ANKRD11: variants seen among roughly 807,000 people sequenced by gnomAD.
ANKRD11 encodes the protein ankyrin repeat domain-containing protein 11.
Under a neutral mutation model 195.7 loss-of-function variants are expected in ANKRD11, and 17 were observed. The ratio of observed to expected loss-of-function variants is 0.09; its 90% CI spans 0.06 to 0.13. The LOEUF (loss-of-function observed/expected upper bound fraction) is 0.13. Ranked by LOEUF, ANKRD11 falls within the 10% of genes least tolerant of loss-of-function variation. The pLI, the probability that ANKRD11 is intolerant of heterozygous loss-of-function variation, is 1.00. For synonymous variants in ANKRD11, 1,953 were observed against 1,528.1 expected (o/e 1.28, Z -6.49); for missense variants, 3,735 against 3,566.1 (o/e 1.05, Z -1.21).
chr16:89,474,435 G>A (rs190746318), intron 1 of ANKRD11, among the ~76,000 whole-genome samples: 14 of 150,894 alleles, frequency 9.3e-5, no homozygotes, highest in Non-Finnish European at 1.5e-5. Context: ...TGGGCAACAT[G>A]GTGAGACCCT....
At chr16:89,301,850 G>C (rs1477972041) in intron 4 of ANKRD11, among the ~76,000 whole-genome samples, 3 of 152,212 alleles carry the variant, frequency 2.0e-5, no homozygotes, top group Non-Finnish European at 4.4e-5. Flanking sequence ...ACCGCGGGCA[G>C]GGCCGACTCA....
In ANKRD11 at chr16:89,379,567, C is replaced by T. The variant is rs143366144; in HGVS notation, c.-60+38717G>A. On this transcript the variant is annotated intron_variant, in intron 2 of 12. Transcript: ENST00000301030. Reference sequence around the variant, plus strand: ...AGTCACGGCTCACTGCAGCCTCAACCTCCTGGGCTCAAGTGACACTTCTGC... The same window carrying T: ...AGTCACGGCTCACTGCAGCCTCAACTTCCTGGGCTCAAGTGACACTTCTGC... Among the ~76,000 whole-genome samples the T allele has an allele frequency of 5.2e-3, 788 of 152,328 alleles. 3 individuals carry two copies. The highest frequency in any genetic ancestry group is 0.012 in the Admixed American group (177 of 15,304).
In ANKRD11 at chr16:89,283,416, G is replaced by C; in HGVS notation, c.3126C>G (p.Ile1042Met). The C allele has an allele frequency of 6.2e-7, 1 of 1,613,938 alleles. No homozygotes were observed. Among genetic ancestry groups the C allele is most frequent in the Non-Finnish European group, 8.5e-7 (1 of 1,180,008 alleles). Residue 1042 changes from isoleucine to methionine, a missense_variant, in exon 9 of 13, where the codon ATC becomes ATG. Coordinates refer to ENST00000301030, the MANE Select transcript of ANKRD11 (RefSeq NM_013275.6). The surrounding 1 kb of genome is among the most constrained non-coding windows in gnomAD (Gnocchi z 4.3). The stretch of plus-strand genomic sequence containing the variant: ...CTTTGTCCTTCTGACATTTTTCCAG[G>C]ATTGATTTCTCACTTTTGTCCTTGT... Reference protein sequence around the residue: ...SSDKDKSEKSILEKCQKDKEF... With the variant: ...SSDKDKSEKSMLEKCQKDKEF...
intron 2 of ANKRD11, among the ~76,000 whole-genome samples, chr16:89,405,120 T>C (rs1363255224): frequency 3.3e-5 from 5 of 152,004 alleles, no homozygotes; most frequent in African/African-American, 1.2e-4. Context: ...GGTGTCACGG[T>C]GGAGGCGAGG....
intron 2 of ANKRD11, among the ~76,000 whole-genome samples, chr16:89,352,188 C>A (rs754765347): frequency 6.6e-6 from 1 of 152,170 alleles, no homozygotes; most frequent in African/African-American, 2.4e-5. Context: ...TTGCACCTGG[C>A]CGATTATCTT....
chr16:89,337,251 A>G (rs534871664), intron 2 of ANKRD11, among the ~76,000 whole-genome samples: 4 of 151,924 alleles, frequency 2.6e-5, no homozygotes, highest in African/African-American at 9.6e-5. Flanking sequence ...AGGAAGCCCC[A>G]TGCCCAAATG....
At chr16:89,303,165 T>C (rs2151860499) in intron 4 of ANKRD11, among the ~76,000 whole-genome samples, 1 of 152,324 alleles carries the variant, frequency 6.6e-6, no homozygotes, top group East Asian at 1.9e-4. Flanking sequence ...AAGCAGATGC[T>C]TGTCTCATTA....
intron 2 of ANKRD11, among the ~76,000 whole-genome samples, chr16:89,384,047 C>CT (rs2040783694): frequency 6.6e-6 from 1 of 152,182 alleles, no homozygotes; most frequent in Non-Finnish European, 1.5e-5. Context: ...TGGCAAAACC[C>CT]TGTCTCTATT....
chr16:89,302,252 C>T (rs758754162), intron 4 of ANKRD11, among the ~76,000 whole-genome samples: 9 of 152,120 alleles, frequency 5.9e-5, no homozygotes, highest in Non-Finnish European at 1.3e-4. Context: ...GAGTTGGACT[C>T]GCTACTATTT....
At chr16:89,349,134 T>TAAAAAAAAA (rs59621400) in intron 2 of ANKRD11, among the ~76,000 whole-genome samples, 1,066 of 16,478 alleles carry the variant, frequency 0.065, 161 homozygotes, top group Non-Finnish European at 0.071. Flanking sequence ...TCTCAAAAAG[T>TAAAAAAAAA]AAAAAAAAAA....
chr16:89,306,335 C>G (rs1197004846), intron 3 of ANKRD11, among the ~76,000 whole-genome samples: 1 of 87,754 alleles, frequency 1.1e-5, no homozygotes, highest in Admixed American at 1.1e-4. Context: ...CCTCCCACTC[C>G]GCAGACACGC....
chr16:89,301,745 TG>T (rs1402172783), intron 4 of ANKRD11: 1 of 397,882 alleles, frequency 2.5e-6, no homozygotes, highest in African/African-American at 2.1e-5. Context: ...TGCTTTAAAC[TG>T]GGCTGATTCA....
chr16:89,393,443 T>TCC (rs2041287932), intron 2 of ANKRD11, among the ~76,000 whole-genome samples: 1 of 149,714 alleles, frequency 6.7e-6, no homozygotes, highest in African/African-American at 2.5e-5. Flanking sequence ...CCCACCTCAG[T>TCC]CCCCCATGTA....
chr16:89,354,344 T>C (rs1233278136), intron 2 of ANKRD11, among the ~76,000 whole-genome samples: 19 of 151,746 alleles, frequency 1.3e-4, no homozygotes, highest in Admixed American at 1.1e-3. Context: ...TTTTTTGAAG[T>C]CTCAAAAATG....
In ANKRD11 at chr16:89,291,825, G is replaced by C. The variant is rs780814611; in HGVS notation, c.227-642C>G. The C allele has an allele frequency of 8.0e-7, 1 of 1,245,534 alleles. No homozygotes were observed. Among genetic ancestry groups the C allele is most frequent in the African/African-American group, 1.5e-5 (1 of 64,914 alleles). The allele number at this position is 1,245,534 out of a possible 1,614,324, so 77.2% of individuals were successfully genotyped here. On this transcript the variant is annotated intron_variant, in intron 4 of 12. Transcript: ENST00000301030. This position sits in a 1 kb window ranked among gnomAD's most constrained non-coding sequence, Gnocchi z 5.3. ...CTAACAAGACACGGTGTGAGAGCTCGGCTGTTTCCACCTCAGCCTCCTCGT... is the reference window on the plus strand; with the variant it reads ...CTAACAAGACACGGTGTGAGAGCTCCGCTGTTTCCACCTCAGCCTCCTCGT...
intron 2 of ANKRD11, among the ~76,000 whole-genome samples, chr16:89,358,888 C>T (rs1037120705): frequency 5.3e-5 from 8 of 152,016 alleles, no homozygotes; most frequent in Non-Finnish European, 1.0e-4. Flanking sequence ...CGCAGTGGTG[C>T]GATCATGGCT....
At chr16:89,278,120 C>T (rs77150903) in intron 9 of ANKRD11, 7,476 of 243,752 alleles carry the variant, frequency 0.031, 507 homozygotes, top group East Asian at 0.23. Flanking sequence ...TGAGTGGAGT[C>T]GCGTGGTCTG....
At chr16:89,277,892 G>C (rs535950858) in intron 9 of ANKRD11, 1 of 156,700 alleles carries the variant, frequency 6.4e-6, no homozygotes, top group African/African-American at 2.4e-5. Context: ...AGCTGAGCCA[G>C]GTCAGGGCCA....
At chr16:89,386,449 G>A (rs980829855) in intron 2 of ANKRD11, among the ~76,000 whole-genome samples, 1 of 152,184 alleles carries the variant, frequency 6.6e-6, no homozygotes, top group East Asian at 1.9e-4. Flanking sequence ...TCCCTAGCAA[G>A]AGGCCCTCTT....
Sources: allele counts gnomAD v4.1 joint callset (sites outside exome capture counted in the v4.1 genomes callset), GRCh38; gene constraint gnomAD v4.1.1; non-coding constraint Gnocchi (gnomAD v3.1); transcripts MANE v1.5; gene names NCBI Gene and HGNC (gene_info 2026-07-23, HGNC 2026-07-21).